The following FGF12 variants were observed in gnomAD, a reference collection of about 807,000 sequenced individuals.
FGF12 encodes fibroblast growth factor 12B.
In FGF12, 14 loss-of-function variants were observed where a neutral mutation model predicts 23.6. The observed-to-expected ratio is 0.59, with a 90% CI of 0.39 to 0.93. FGF12 has a LOEUF of 0.93. Among genes scored for constraint, FGF12 ranks in the 40% least tolerant of loss-of-function variants. The pLI is 0.00. For missense variants in FGF12, 175 were observed against 217.8 expected (o/e 0.80, Z 1.24); for synonymous variants, 62 against 77.3 (o/e 0.80, Z 1.04).
chr3:192,440,353 G>A (rs1722167853), intron 2 of FGF12, among the ~76,000 whole-genome samples: 1 of 152,116 alleles, frequency 6.6e-6, no homozygotes, highest in African/African-American at 2.4e-5. Context: ...AGCACAGAAG[G>A]GTGGACGGGA....
At chr3:192,178,161 G>T (rs1451777933) in intron 4 of FGF12, among the ~76,000 whole-genome samples, 2 of 152,006 alleles carry the variant, frequency 1.3e-5, no homozygotes, top group Non-Finnish European at 2.9e-5. Context: ...ATGTAAAAAA[G>T]AAATGCCAAA....
At chr3:192,690,635 GAGGA>G (rs375809655) in intron 2 of FGF12, among the ~76,000 whole-genome samples, 18 of 145,498 alleles carry the variant, frequency 1.2e-4, no homozygotes, top group African/African-American at 3.5e-4. Context: ...GACAGCAAGA[GAGGA>G]AGGAAGGATC....
chr3:192,283,593 T>G (rs547803719), intron 4 of FGF12, among the ~76,000 whole-genome samples: 1 of 152,078 alleles, frequency 6.6e-6, no homozygotes, highest in Non-Finnish European at 1.5e-5. Flanking sequence ...GGAGAGAATA[T>G]CATTTTACCT....
intron 2 of FGF12, among the ~76,000 whole-genome samples, chr3:192,411,173 G>A (rs1468536479): frequency 2.0e-5 from 3 of 152,168 alleles, no homozygotes; most frequent in Admixed American, 6.5e-5. Flanking sequence ...ACAAACCTAT[G>A]GGCCTAGCCA....
chr3:192,305,679 AAT>A (rs1241285508), intron 4 of FGF12, among the ~76,000 whole-genome samples: 95 of 131,930 alleles, frequency 7.2e-4, no homozygotes, highest in East Asian at 2.2e-3. Flanking sequence ...AAAAAAAAAA[AAT>A]ATATATATAT....
chr3:192,324,771 G>A (rs1192026075), intron 4 of FGF12, among the ~76,000 whole-genome samples: 1 of 152,144 alleles, frequency 6.6e-6, no homozygotes, highest in Non-Finnish European at 1.5e-5. Context: ...TTGGCCTAAT[G>A]TGGCTAATGA....
chr3:192,605,778 T>G (rs1714314623), intron 2 of FGF12, among the ~76,000 whole-genome samples: 1 of 152,144 alleles, frequency 6.6e-6, no homozygotes, highest in Admixed American at 6.5e-5. Context: ...ATGTTCAACA[T>G]CACTAATTAT....
intron 5 of FGF12, among the ~76,000 whole-genome samples, chr3:192,160,475 C>T (rs1214994805): frequency 6.6e-6 from 1 of 152,192 alleles, no homozygotes; most frequent in African/African-American, 2.4e-5. Flanking sequence ...TACTAAATTT[C>T]ATTCAGATTA....
Position 192,174,374 on chromosome 3 carries a change from A to C in FGF12, c.229-3718T>G, listed in dbSNP as rs534225834. On this transcript the variant is annotated intron_variant, in intron 4 of 5. Coordinates refer to ENST00000445105, the MANE Select transcript of FGF12 (RefSeq NM_004113.6). ...ATGGGGGATTTCTTGCACAGCATCC[A>C]GGTCCTAATCAGCAATGAAAAGCCA... Among the ~76,000 whole-genome samples, 76 of 152,302 alleles carry C rather than the reference A, an allele frequency of 5.0e-4. 1 individual carries two copies. The highest frequency in any genetic ancestry group is 3.1e-3 in the Admixed American group (47 of 15,288).
At chr3:192,283,218 A>G (rs1487791380) in intron 4 of FGF12, 1 of 152,152 alleles carries the variant, frequency 6.6e-6, no homozygotes, top group Non-Finnish European at 1.5e-5. Flanking sequence ...GGGCTAGAAC[A>G]TATGGAACCA....
At chr3:192,161,297 C>G (rs73191573) in intron 5 of FGF12, among the ~76,000 whole-genome samples, 21,434 of 152,018 alleles carry the variant, frequency 0.14, 1,662 homozygotes, top group Admixed American at 0.18. Flanking sequence ...AGTGGGCTCT[C>G]TAGGTAATTC....
intron 2 of FGF12, among the ~76,000 whole-genome samples, chr3:192,591,984 T>C (rs543642852): frequency 6.6e-6 from 1 of 151,906 alleles, no homozygotes; most frequent in African/African-American, 2.4e-5. Flanking sequence ...GAAAAACTAC[T>C]TATAAGTGAC....
At chr3:192,568,902 T>C (rs748400177) in intron 2 of FGF12, among the ~76,000 whole-genome samples, 19 of 152,116 alleles carry the variant, frequency 1.2e-4, no homozygotes, top group Admixed American at 5.2e-4. Flanking sequence ...TGAGATAACA[T>C]TTATTCAACC....
intron 2 of FGF12, among the ~76,000 whole-genome samples, chr3:192,456,096 T>C (rs1404069405): frequency 1.9e-4 from 29 of 152,208 alleles, no homozygotes; most frequent in Admixed American, 1.9e-3. Context: ...CTATTCTGGG[T>C]ATATGACAAA....
intron 4 of FGF12, among the ~76,000 whole-genome samples, chr3:192,252,652 T>C (rs1211252099): frequency 6.6e-6 from 1 of 151,936 alleles, no homozygotes; most frequent in Non-Finnish European, 1.5e-5. Flanking sequence ...CCGCCAACTC[T>C]TTGACAAATA....
intron 2 of FGF12, among the ~76,000 whole-genome samples, chr3:192,602,668 A>C (rs1336076948): frequency 6.6e-6 from 1 of 151,760 alleles, no homozygotes; most frequent in Non-Finnish European, 1.5e-5. Context: ...ACCCAGGAAA[A>C]CGTTGCTGTT....
intron 2 of FGF12, among the ~76,000 whole-genome samples, chr3:192,400,131 T>C (rs553427114): frequency 5.9e-5 from 9 of 152,264 alleles, no homozygotes; most frequent in Admixed American, 5.2e-4. Flanking sequence ...TTAACATAAG[T>C]GTGGTTACAA....
chr3:192,202,093 C>T (rs1219204880), intron 4 of FGF12, among the ~76,000 whole-genome samples: 1 of 151,912 alleles, frequency 6.6e-6, no homozygotes, highest in East Asian at 1.9e-4. Context: ...AGTAAATACA[C>T]CAAAGATTAT....
chr3:192,422,888 T>C (rs374037120), intron 2 of FGF12, among the ~76,000 whole-genome samples: 1 of 152,184 alleles, frequency 6.6e-6, no homozygotes, highest in Non-Finnish European at 1.5e-5. Flanking sequence ...GTGATGGCTA[T>C]GATAGCTCTT....
Sources: gnomAD v4.1 joint callset for allele counts (sites outside exome capture counted in the v4.1 genomes callset) on GRCh38, gnomAD v4.1.1 for gene constraint, MANE v1.5 for transcripts, NCBI Gene and HGNC (gene_info 2026-07-23, HGNC 2026-07-21) for gene names.